IQCJ: variants seen among roughly 807,000 people sequenced by gnomAD.
IQCJ encodes the protein IQ domain-containing protein J.
A neutral mutation model predicts 11.0 loss-of-function variants in IQCJ; 9 were observed. That is an observed-to-expected ratio of 0.82 (90% confidence interval 0.49 to 1.43). The LOEUF (loss-of-function observed/expected upper bound fraction) is 1.43, where lower values mean the gene tolerates loss of function less well. Ranked by LOEUF, IQCJ falls within the 40% of genes most tolerant of loss-of-function variation. The probability of loss-of-function intolerance (pLI) is 0.00; values close to 1 mark genes in which losing one functional copy is unlikely to be tolerated. For synonymous variants in IQCJ, 55 were observed against 51.3 expected (o/e 1.07, Z -0.31); for missense variants, 146 against 133.2 (o/e 1.10, Z -0.47).
chr3:159,104,578 C>G (rs1718131028), intron 1 of IQCJ, among the ~76,000 whole-genome samples: 1 of 152,120 alleles, frequency 6.6e-6, no homozygotes, highest in African/African-American at 2.4e-5. Context: ...GAATAAATCC[C>G]CCATGCATTA....
chr3:159,155,465 T>C (rs1303112612), intron 1 of IQCJ, among the ~76,000 whole-genome samples: 1 of 152,214 alleles, frequency 6.6e-6, no homozygotes, highest in Non-Finnish European at 1.5e-5. Flanking sequence ...GCCTCAGTCA[T>C]TTACTTTTGC....
chr3:159,242,732 A>G (rs75433326), intron 1 of IQCJ, among the ~76,000 whole-genome samples: 3,324 of 152,162 alleles, frequency 0.022, 111 homozygotes, highest in African/African-American at 0.076. Context: ...TGAACTATAC[A>G]TTTTCTAAGA....
chr3:159,141,975 A>G (rs999900981), intron 1 of IQCJ, among the ~76,000 whole-genome samples: 8 of 152,222 alleles, frequency 5.3e-5, no homozygotes, highest in Non-Finnish European at 1.2e-4. Context: ...AAGGAAATGA[A>G]GATAAAAGAT....
At chr3:159,215,299 G>T (rs971911991) in intron 1 of IQCJ, among the ~76,000 whole-genome samples, 6 of 152,100 alleles carry the variant, frequency 3.9e-5, no homozygotes, top group Admixed American at 3.9e-4. Flanking sequence ...TCAGAGACAG[G>T]GAAGCTTCCT....
intron 1 of IQCJ, among the ~76,000 whole-genome samples, chr3:159,152,717 C>T (rs1339316222): frequency 6.6e-6 from 1 of 152,208 alleles, no homozygotes; most frequent in African/African-American, 2.4e-5. Flanking sequence ...ATTATCTTTG[C>T]TCCTATCTCT....
chr3:159,160,692 CCCA>C (rs1204250507), intron 1 of IQCJ, among the ~76,000 whole-genome samples: 2 of 123,146 alleles, frequency 1.6e-5, no homozygotes, highest in East Asian at 5.5e-4. Flanking sequence ...CTCCCCCCAC[CCCA>C]CAACTGTCCC....
At chr3:159,192,440 T>C (rs1723743755) in intron 1 of IQCJ, among the ~76,000 whole-genome samples, 1 of 152,150 alleles carries the variant, frequency 6.6e-6, no homozygotes, top group South Asian at 2.1e-4. Flanking sequence ...ATGAACCACA[T>C]ACATAAGAGA....
chr3:159,134,086 G>A (rs1188360552), intron 1 of IQCJ, among the ~76,000 whole-genome samples: 3 of 151,992 alleles, frequency 2.0e-5, no homozygotes, highest in Non-Finnish European at 4.4e-5. Context: ...CTAGGTCACA[G>A]CTAGAGGCTG....
chr3:159,191,823 T>C (rs752657858), intron 1 of IQCJ, among the ~76,000 whole-genome samples: 3 of 152,214 alleles, frequency 2.0e-5, no homozygotes, highest in Non-Finnish European at 4.4e-5. Context: ...AAAATTCTAT[T>C]TGAGAAACGG....
At chr3:159,265,118 T>C, downstream of IQCJ, 1 of 974,340 alleles carries the variant, frequency 1.0e-6, no homozygotes, top group East Asian at 2.4e-5. Context: ...GTTTGTCACT[T>C]AGGTAAAATA....
chr3:159,079,451 C>G (rs1457217052), intron 1 of IQCJ, among the ~76,000 whole-genome samples: 1 of 151,922 alleles, frequency 6.6e-6, no homozygotes, highest in Non-Finnish European at 1.5e-5. Flanking sequence ...AGCTATTTAG[C>G]TTAAAAGTAT....
chr3:159,208,031 T>C (rs1724754027), intron 1 of IQCJ, among the ~76,000 whole-genome samples: 1 of 152,086 alleles, frequency 6.6e-6, no homozygotes, highest in African/African-American at 2.4e-5. Context: ...GACAAGATAA[T>C]GAATGTGCAT....
intron 1 of IQCJ, among the ~76,000 whole-genome samples, chr3:159,224,435 C>T (rs1039751374): frequency 1.3e-5 from 2 of 152,090 alleles, no homozygotes; most frequent in Admixed American, 6.6e-5. Context: ...TAAGATTTGT[C>T]CTTCTTCTGT....
At chr3:159,159,733 G>C (rs1721727448) in intron 1 of IQCJ, among the ~76,000 whole-genome samples, 1 of 152,032 alleles carries the variant, frequency 6.6e-6, no homozygotes, top group South Asian at 2.1e-4. Flanking sequence ...GAGATGTTTG[G>C]GCCATGAGGG....
intron 1 of IQCJ, among the ~76,000 whole-genome samples, chr3:159,174,127 T>G (rs1280394215): frequency 6.6e-6 from 1 of 152,170 alleles, no homozygotes; most frequent in Non-Finnish European, 1.5e-5. Context: ...TTTTTCATTT[T>G]TAAAACTTAT....
chr3:159,234,470 G>A (rs1726455177), intron 1 of IQCJ, among the ~76,000 whole-genome samples: 1 of 152,134 alleles, frequency 6.6e-6, no homozygotes, highest in African/African-American at 2.4e-5. Flanking sequence ...GATTGTTTTT[G>A]TTTAAGTTAG....
chr3:159,069,446 T>A lies in IQCJ; in HGVS notation c.9+5T>A, dbSNP rs775864510. ...AGAAACTTCAAAATGCGTCTGGTAATGTATTTGCTTTTCTAAACGTGCCAC... is the reference window on the plus strand; with the variant it reads ...AGAAACTTCAAAATGCGTCTGGTAAAGTATTTGCTTTTCTAAACGTGCCAC... On this transcript the variant is annotated splice_donor_5th_base_variant and intron_variant, in intron 1 of 3. Transcript: ENST00000397832. The A allele has an allele frequency of 1.6e-5, 26 of 1,608,532 alleles. No individual in the cohort carries two copies. Among genetic ancestry groups the A allele is most frequent in the Non-Finnish European group, 2.1e-5 (25 of 1,177,872 alleles).
intron 1 of IQCJ, among the ~76,000 whole-genome samples, chr3:159,073,429 G>A (rs1285654411): frequency 6.6e-6 from 1 of 152,032 alleles, no homozygotes; most frequent in Non-Finnish European, 1.5e-5. Context: ...AGAATTTAAG[G>A]AAGTACCTAT....
At chr3:159,218,735 T>C (rs925564425) in intron 1 of IQCJ, among the ~76,000 whole-genome samples, 1 of 152,136 alleles carries the variant, frequency 6.6e-6, no homozygotes, top group South Asian at 2.1e-4. Flanking sequence ...TGAATCTTTG[T>C]ATTAGTTTTC....
Sources: allele counts gnomAD v4.1 joint callset (sites outside exome capture counted in the v4.1 genomes callset), GRCh38; gene constraint gnomAD v4.1.1; transcripts MANE v1.5; gene names NCBI Gene and HGNC (gene_info 2026-07-23, HGNC 2026-07-21).